Variants in ZNF547 observed in about 807,000 individuals in gnomAD.
ZNF547 encodes the protein zinc finger protein 547.
ZNF547 carries 4 observed loss-of-function variants against 7.7 expected under a neutral mutation model. The observed-to-expected ratio is 0.52, with a 90% CI of 0.26 to 1.20. The LOEUF (loss-of-function observed/expected upper bound fraction) is 1.20. Among genes scored for constraint, ZNF547 ranks in the 50% most tolerant of loss-of-function variants. The probability of loss-of-function intolerance (pLI) is 0.14; values close to 1 mark genes in which losing one functional copy is unlikely to be tolerated. For missense variants in ZNF547, 449 were observed against 485.8 expected (o/e 0.92, Z 0.71); for synonymous variants, 166 against 166.2 (o/e 1.00, Z 0.01).
chr19:57,377,845 A>G lies in ZNF547; in HGVS notation c.869A>G (p.His290Arg). ...NSNLFRHYRI[H>R]TGKRSYGCSE... ...AACCTCTTTAGGCATTACAGAATTC[A>G]TACAGGAAAAAGGTCTTATGGTTGC... Residue 290 changes from histidine to arginine, a missense_variant, in exon 4 of 4, where the codon CAT (histidine) becomes CGT (arginine). Coordinates refer to ENST00000282282, the MANE Select transcript of ZNF547 (RefSeq NM_173631.4). 3.1e-6 allele frequency: 5 copies of G among 1,614,178 alleles called. No individual in the cohort carries two copies. The highest frequency in any genetic ancestry group is 4.2e-6 in the Non-Finnish European group (5 of 1,180,022).
intron 3 of ZNF547, among the ~76,000 whole-genome samples, chr19:57,375,242 C>T (rs1462493267): frequency 1.3e-5 from 2 of 151,836 alleles, no homozygotes; most frequent in South Asian, 2.1e-4. Flanking sequence ...CCTAGCTACT[C>T]GGGAGGCTGA....
rs1484057286 is a variant in ZNF547, at chr19:57,377,614, A to C, written c.638A>C (p.Glu213Ala). ...ACTCACACTGGAGAAAGGCCTTATG[A>C]GTGCAATGAATGTGGGAAAGCCTTT... ...QRTHTGERPY[E>A]CNECGKAFLC... The change falls in exon 4 of 4, where the codon GAG (glutamate) becomes GCG (alanine). Residue 213 changes from glutamate to alanine, a missense_variant. Coordinates refer to ENST00000282282, the MANE Select transcript of ZNF547 (RefSeq NM_173631.4). The C allele has an allele frequency of 6.2e-7, 1 of 1,614,030 alleles. No homozygotes were observed. Among genetic ancestry groups the C allele is most frequent in the Non-Finnish European group, 8.5e-7 (1 of 1,179,980 alleles).
chr19:57,364,977 C>T (rs193215645), intron 1 of ZNF547: 127 of 1,612,934 alleles, frequency 7.9e-5, no homozygotes, highest in Admixed American at 1.3e-4. Context: ...CTCTCGACCT[C>T]GTAGATGAGA....
chr19:57,366,496 C>T (rs1365614928), intron 1 of ZNF547, among the ~76,000 whole-genome samples: 4 of 151,854 alleles, frequency 2.6e-5, no homozygotes, highest in Non-Finnish European at 5.9e-5. Context: ...AGGTGTGAGC[C>T]ACTGCGCCTG....
At position 57,378,475 on chromosome 19, in the gene ZNF547, A is replaced by G. The variant is rs1305257076; in HGVS notation, c.*290A>G. 1 of 559,244 alleles carries G rather than the reference A, an allele frequency of 1.8e-6. No homozygotes were observed. The highest frequency in any genetic ancestry group is 2.3e-5 in the Admixed American group (1 of 43,940). 34.6% of individuals were successfully genotyped at this position (559,244 alleles called of 1,614,324 possible). On this transcript the variant is annotated 3_prime_UTR_variant, in exon 4 of 4. Transcript: ENST00000282282. ...AAGTGGTAAAGATTCAACATGCAAG[A>G]TTGTACTTATTGGGCTTCAGAATAT...
At chr19:57,369,905 T>TTTTTTTTTTTTG (rs2088494213) in intron 2 of ZNF547, among the ~76,000 whole-genome samples, 1 of 117,946 alleles carries the variant, frequency 8.5e-6, no homozygotes. Context: ...AGTTCTTTTT[T>TTTTTTTTTTTTG]TTTTTTTTTT....
intron 1 of ZNF547, among the ~76,000 whole-genome samples, chr19:57,366,510 G>A (rs1307077206): frequency 1.3e-5 from 2 of 150,602 alleles, no homozygotes; most frequent in African/African-American, 2.4e-5. Flanking sequence ...GCGCCTGGCT[G>A]GGAATAAGCT....
intron 2 of ZNF547, among the ~76,000 whole-genome samples, chr19:57,371,359 A>G (rs1324435708): frequency 6.6e-6 from 1 of 152,268 alleles, no homozygotes; most frequent in Admixed American, 6.5e-5. Flanking sequence ...GTTACATACC[A>G]CATAACACAG....
chr19:57,369,718 G>A (rs1183690504), intron 2 of ZNF547, among the ~76,000 whole-genome samples: 1 of 151,936 alleles, frequency 6.6e-6, no homozygotes, highest in Non-Finnish European at 1.5e-5. Context: ...AAAGACTTCT[G>A]AAGGAGAGTG....
In ZNF547 at chr19:57,375,327, G is replaced by C. The variant is rs1033915241; in HGVS notation, c.152-1801G>C. 1.3e-5 allele frequency among the ~76,000 whole-genome samples: 2 copies of C among 151,990 alleles called. 1 individual carries two copies. The highest frequency in any genetic ancestry group is 4.1e-4 in the South Asian group (2 of 4,824). On this transcript the variant is annotated intron_variant, in intron 3 of 3. Transcript: ENST00000282282. ...ATCGTGCCACTGCACTCCAGCCTGGGTGACAGAGCAAAACTCTGTCTCAAA... is the reference window on the plus strand; with the variant it reads ...ATCGTGCCACTGCACTCCAGCCTGGCTGACAGAGCAAAACTCTGTCTCAAA...
At position 57,379,173 on chromosome 19, in the gene ZNF547, A is replaced by G. The variant is rs1600080309; in HGVS notation, c.*988A>G. On this transcript the variant is annotated 3_prime_UTR_variant, in exon 4 of 4. Coordinates refer to ENST00000282282, the MANE Select transcript of ZNF547 (RefSeq NM_173631.4). ...AATATCTCTTTGAGACCCTGCTTTC[A>G]ATTCTTATTGGGTACCCCAAAAAGT... 1 of 152,562 alleles carries G rather than the reference A, an allele frequency of 6.6e-6. No homozygotes were observed. The highest frequency in any genetic ancestry group is 2.4e-5 in the African/African-American group (1 of 41,574). 9.5% of individuals were successfully genotyped at this position (152,562 alleles called of 1,614,324 possible).
rs61547238 is a variant in ZNF547, at chr19:57,369,899, C to CTTTTTTTTTTTTTTTTTTTTTT, written c.24+1323_24+1344dup. Among the ~76,000 whole-genome samples the CTTTTTTTTTTTTTTTTTTTTTT allele has an allele frequency of 1.2e-4, 6 of 51,678 alleles. 3 individuals are homozygous for CTTTTTTTTTTTTTTTTTTTTTT. Among genetic ancestry groups the CTTTTTTTTTTTTTTTTTTTTTT allele is most frequent in the Non-Finnish European group, 2.0e-4 (6 of 29,906 alleles). 33.9% of individuals were successfully genotyped at this position (51,678 alleles called of 152,430 possible). ...AAAGAAGTTTAATTGACTCACAGTT[C>CTTTTTTTTTTTTTTTTTTTTTT]TTTTTTTTTTTTTTTTTTTTTTTTG... On this transcript the variant is annotated intron_variant, in intron 2 of 3. Coordinates refer to ENST00000282282, the MANE Select transcript of ZNF547 (RefSeq NM_173631.4).
At chr19:57,368,300 CTA>C (rs1600075994) in intron 1 of ZNF547, 1 of 494,058 alleles carries the variant, frequency 2.0e-6, no homozygotes. Flanking sequence ...GGTAAGAGTC[CTA>C]TGAGGTGGGA....
At chr19:57,369,885 A>C (rs2056862012) in intron 2 of ZNF547, among the ~76,000 whole-genome samples, 1 of 133,894 alleles carries the variant, frequency 7.5e-6, no homozygotes, top group South Asian at 2.4e-4. Context: ...AAGAAGTTTA[A>C]TTGACTCACA....
chr19:57,368,381 C>A, intron 1 of ZNF547, 163 bp from the exon 2 acceptor site: 1 of 616,330 alleles, frequency 1.6e-6, no homozygotes, highest in African/African-American at 1.9e-5. Context: ...TTTCTAGAGT[C>A]ACAGTGCTGC....
At chr19:57,372,435 AGGTCTCACAGACT>A (rs2088512336) in intron 3 of ZNF547, among the ~76,000 whole-genome samples, 1 of 152,130 alleles carries the variant, frequency 6.6e-6, no homozygotes, top group Admixed American at 6.5e-5. Context: ...GGTCTCTTTC[AGGTCTCACAGACT>A]GTCACCTTAA....
At chr19:57,371,667 TGTTA>T in intron 2 of ZNF547, 111 bp from the exon 3 acceptor site, 21 of 1,439,688 alleles carry the variant, frequency 1.5e-5, no homozygotes, top group Non-Finnish European at 2.0e-5. Flanking sequence ...CACATTTAGC[TGTTA>T]GTTTGTCCCT....
intron 3 of ZNF547, among the ~76,000 whole-genome samples, chr19:57,375,414 G>C (rs184848926): frequency 2.6e-5 from 4 of 152,018 alleles, no homozygotes; most frequent in East Asian, 3.9e-4. Context: ...ACCTTGGGGG[G>C]GCTGAGGTGG....
chr19:57,377,196 G>C lies in ZNF547; in HGVS notation c.220G>C (p.Val74Leu). Residue 74 changes from valine to leucine, a missense_variant, in exon 4 of 4, where the codon GTC (valine) becomes CTC (leucine). Val to Leu is a conservative substitution (Grantham distance 32, BLOSUM62 1). Coordinates refer to ENST00000282282, the MANE Select transcript of ZNF547 (RefSeq NM_173631.4). ...EPGVSVGVSQ[V>L]MAPKPCLSTQ... ...AGGTGTTTCTGTAGGAGTGTCACAG[G>C]TCATGGCTCCAAAGCCCTGTCTATC... The C allele has an allele frequency of 6.2e-7, 1 of 1,614,164 alleles. No individual in the cohort carries two copies. Among genetic ancestry groups the C allele is most frequent in the Non-Finnish European group, 8.5e-7 (1 of 1,180,032 alleles).
Sources: allele counts gnomAD v4.1 joint callset (sites outside exome capture counted in the v4.1 genomes callset), GRCh38; gene constraint gnomAD v4.1.1; transcripts MANE v1.5; gene names NCBI Gene and HGNC (gene_info 2026-07-23, HGNC 2026-07-21).